EPS8L1: variants seen among roughly 807,000 people sequenced by gnomAD.
The protein encoded by EPS8L1 is epidermal growth factor receptor kinase substrate 8-like protein 1.
Under a neutral mutation model 91.7 loss-of-function variants are expected in EPS8L1, and 101 were observed. The ratio of observed to expected loss-of-function variants is 1.10; its 90% CI spans 0.94 to 1.30. The LOEUF (loss-of-function observed/expected upper bound fraction) is 1.30. EPS8L1 is among the 50% of genes most tolerant of loss of function. The pLI is 0.00. For synonymous variants in EPS8L1, 506 were observed against 445.3 expected (o/e 1.14, Z -1.72); for missense variants, 1,114 against 1,017.0 (o/e 1.10, Z -1.30).
rs1340297040 is a variant in EPS8L1, at chr19:55,086,524, T to C, written c.1777+6T>C. The C allele has an allele frequency of 6.5e-7, 1 of 1,550,168 alleles. No individual in the cohort carries two copies. The highest frequency in any genetic ancestry group is 8.7e-7 in the Non-Finnish European group (1 of 1,146,524). ...CTTGGACCCCAGCGAGAAGGGTGAG[T>C]GGTGGGGACGCCGGCTGCGGGGAGC... is the stretch of plus-strand genomic sequence containing the variant. On this transcript the variant is annotated splice_donor_region_variant and intron_variant, in intron 17 of 19. Transcript: ENST00000201647.
chr19:55,083,583 C>A lies in EPS8L1; in HGVS notation c.1357-33C>A. 6.3e-7 allele frequency: 1 copy of A among 1,593,822 alleles called. No homozygotes were observed. Among genetic ancestry groups the A allele is most frequent in the South Asian group, 1.1e-5 (1 of 88,906 alleles). ...CCGGGGGCGCGGCCGGTCCGCCTGG[C>A]CCCGCCTGACCCGACTGTCTTACTT... On this transcript the variant is annotated intron_variant, in intron 13 of 19. Coordinates refer to ENST00000201647, the MANE Select transcript of EPS8L1 (RefSeq NM_133180.3). This position sits in a 1 kb window ranked among gnomAD's most constrained non-coding sequence, Gnocchi z 4.7.
chr19:55,076,515 C>T (rs2076138421), intron 2 of EPS8L1, 54 bp downstream of exon 2: 1 of 1,593,326 alleles, frequency 6.3e-7, no homozygotes, highest in South Asian at 1.1e-5. Context: ...CGCCTCCCCT[C>T]GCCTCCTCAC....
intron 2 of EPS8L1, among the ~76,000 whole-genome samples, chr19:55,076,747 T>C (rs959861587): frequency 6.6e-6 from 1 of 152,196 alleles, no homozygotes; most frequent in African/African-American, 2.4e-5. Flanking sequence ...CAGCCCCTCC[T>C]CTGTGACACA....
chr19:55,086,482 T>A lies in EPS8L1; in HGVS notation c.1741T>A (p.Cys581Ser), dbSNP rs1402358193. 3.2e-6 allele frequency: 5 copies of A among 1,551,492 alleles called. No homozygotes were observed. The African/African-American group carries it at 5.5e-5, about 17-fold the overall frequency. The change falls in exon 17 of 20, where the codon TGC (cysteine) becomes AGC (serine). Residue 581 changes from cysteine to serine, a missense_variant. Physicochemically the swap from Cys to Ser is moderately radical, Grantham distance 112 (BLOSUM62 -1). Coordinates refer to ENST00000201647, the MANE Select transcript of EPS8L1 (RefSeq NM_133180.3). Reference protein sequence around the residue: ...PRWDRPRWDSCDSLNGLDPSE... With the variant: ...PRWDRPRWDSSDSLNGLDPSE... Reference sequence around the variant, plus strand: ...CTGGGACAGGCCCCGCTGGGACAGCTGCGATAGCCTCAACGGCTTGGACCC... The same window carrying A: ...CTGGGACAGGCCCCGCTGGGACAGCAGCGATAGCCTCAACGGCTTGGACCC...
chr19:55,080,768 G>A lies in EPS8L1; in HGVS notation c.430-4G>A, dbSNP rs1459826634. On this transcript the variant is annotated splice_region_variant and splice_polypyrimidine_tract_variant and intron_variant, in intron 6 of 19. Transcript: ENST00000201647. ...GAGGCGTGGCCTGACGGTGTGATTG[G>A]CAGGCGGAGCTGATCCGAGAGGACA... The A allele has an allele frequency of 6.2e-7, 1 of 1,607,656 alleles. No individual in the cohort carries two copies. Among genetic ancestry groups the A allele is most frequent in the Admixed American group, 1.7e-5 (1 of 58,740 alleles).
chr19:55,083,790 G>A lies in EPS8L1; in HGVS notation c.1385+146G>A. The stretch of plus-strand genomic sequence containing the variant: ...AGGTGGGTGAGATGGTGATGGGGCG[G>A]GCCGGGGCTGGGAGAGAGGGAGGAG... On this transcript the variant is annotated intron_variant, in intron 14 of 19. Transcript: ENST00000201647. The surrounding 1 kb of genome is among the most constrained non-coding windows in gnomAD (Gnocchi z 4.7). 9.6e-7 allele frequency: 1 copy of A among 1,037,528 alleles called. No homozygotes were observed. The highest frequency in any genetic ancestry group is 1.4e-6 in the Non-Finnish European group (1 of 690,606). 64.3% of individuals were successfully genotyped at this position (1,037,528 alleles called of 1,614,324 possible).
chr19:55,087,329 C>A lies in EPS8L1; in HGVS notation c.1979C>A (p.Thr660Asn). Residue 660 changes from threonine (T) to asparagine (N), a missense_variant, in exon 19 of 20, where the codon ACC (threonine) becomes AAC (asparagine). By Grantham distance (65) the Thr-to-Asn change is moderately conservative. Transcript: ENST00000201647. ...ACCGTGGACGCGCTGGGTGTGCTGA[C>A]CGGGGCGCAGCTTTTCTCGCTGCAG... ...SGTVDALGVL[T>N]GAQLFSLQKE... is the part of the protein sequence containing the mutation. 1.2e-6 allele frequency: 2 copies of A among 1,611,200 alleles called. No homozygotes were observed. The highest frequency in any genetic ancestry group is 1.7e-6 in the Non-Finnish European group (2 of 1,179,392).
intron 2 of EPS8L1, 30 bp downstream of exon 2, chr19:55,076,491 C>G (rs764639711): frequency 1.2e-6 from 2 of 1,609,280 alleles, no homozygotes; most frequent in Admixed American, 3.3e-5. Flanking sequence ...AGGTCCCAGC[C>G]CCAGCACGCC....
Position 55,087,291 on chromosome 19 carries a change from G to A in EPS8L1, c.1953-12G>A, listed in dbSNP as rs762165863. On this transcript the variant is annotated splice_polypyrimidine_tract_variant and intron_variant, in intron 18 of 19. Transcript: ENST00000201647. ...CGACCGGCCTGACCGCGCCCGGGCT[G>A]CCCTCGCTCAGGACCGTGGACGCGC... The A allele has an allele frequency of 8.8e-6, 14 of 1,594,228 alleles. No individual in the cohort carries two copies. The South Asian group carries it at 9.0e-5, about 10-fold the overall frequency.
chr19:55,086,564 C>T (rs769568092), intron 17 of EPS8L1, 46 bp downstream of exon 17: 1 of 1,542,098 alleles, frequency 6.5e-7, no homozygotes, highest in Non-Finnish European at 8.8e-7. Context: ...CTTATCCTTG[C>T]TTTCCAGGCA....
Position 55,086,889 on chromosome 19 carries a change from G to GT in EPS8L1, c.1952+2dup. The GT allele has an allele frequency of 7.0e-7, 1 of 1,429,894 alleles. No individual in the cohort carries two copies. The highest frequency in any genetic ancestry group is 2.6e-4 in the Middle Eastern group (1 of 3,894). 88.6% of individuals were successfully genotyped at this position (1,429,894 alleles called of 1,614,324 possible). On this transcript the variant is annotated splice_donor_variant, in intron 18 of 19. Coordinates refer to ENST00000201647, the MANE Select transcript of EPS8L1 (RefSeq NM_133180.3). LOFTEE classifies it high-confidence loss of function. ...TGCAGGCCAAGGGCTTTAGCTCCGG[G>GT]TGAGTGGGGCCGGGGCCCTCTCGGC... is the stretch of plus-strand genomic sequence containing the variant.
Position 55,085,711 on chromosome 19 carries a change from A to G in EPS8L1, c.1386-130A>G, listed in dbSNP as rs528447138. 14 of 1,031,392 alleles carry G rather than the reference A, an allele frequency of 1.4e-5. No homozygotes were observed. In the South Asian group the frequency reaches 2.4e-4, roughly 18 times the overall value. 63.9% of individuals were successfully genotyped at this position (1,031,392 alleles called of 1,614,324 possible). ...TCTGTTATTCTTGTTTCAAATTTCT[A>G]TTAACAGTATTAACCCGGCCCCTGC... On this transcript the variant is annotated intron_variant, in intron 14 of 19. Coordinates refer to ENST00000201647, the MANE Select transcript of EPS8L1 (RefSeq NM_133180.3).
chr19:55,086,638 C>CCCG, intron 17 of EPS8L1, 76 bp from the exon 18 acceptor site: 1 of 1,436,666 alleles, frequency 7.0e-7, no homozygotes, highest in East Asian at 2.4e-5. Flanking sequence ...CTGGAGCGCC[C>CCCG]CCCCGCCCCG....
chr19:55,082,957 A>C (rs1399835037), intron 12 of EPS8L1, among the ~76,000 whole-genome samples: 1 of 152,188 alleles, frequency 6.6e-6, no homozygotes. Context: ...GAGTCTGTGC[A>C]CTGCGGGCTG....
chr19:55,080,800 G>T lies in EPS8L1; in HGVS notation c.458G>T (p.Gly153Val), dbSNP rs371109133. The T allele has an allele frequency of 1.9e-6, 3 of 1,611,980 alleles. No homozygotes were observed. The highest frequency in any genetic ancestry group is 2.7e-5 in the African/African-American group (2 of 74,906). The change falls in exon 7 of 20, where the codon GGG becomes GTG. Residue 153 changes from glycine (G) to valine (V), a missense_variant. Physicochemically the swap from Gly to Val is moderately radical, Grantham distance 109. Transcript: ENST00000201647. ...GAGCTGATCCGAGAGGACATCCAGGGGGCTCTGCACAATTACCGCTCGGGC... is the reference window on the plus strand; with the variant it reads ...GAGCTGATCCGAGAGGACATCCAGGTGGCTCTGCACAATTACCGCTCGGGC... ...GAELIREDIQ[G>V]ALHNYRSGRG... is the part of the protein sequence containing the mutation.
At chr19:55,077,862 C>T (rs2076161317) in intron 2 of EPS8L1, among the ~76,000 whole-genome samples, 2 of 150,774 alleles carry the variant, frequency 1.3e-5, no homozygotes, top group African/African-American at 4.9e-5. Context: ...GCTGGGATTA[C>T]AGGCGTGAGC....
intron 14 of EPS8L1, chr19:55,085,614 G>A (rs957905638): frequency 7.1e-6 from 3 of 424,122 alleles, no homozygotes; most frequent in Admixed American, 4.0e-5. Context: ...AAATGGAATC[G>A]ATGGTGGGAT....
intron 19 of EPS8L1, 37 bp from the exon 20 acceptor site, chr19:55,087,491 G>T: frequency 6.2e-7 from 1 of 1,614,148 alleles, no homozygotes; most frequent in Non-Finnish European, 8.5e-7. Context: ...CGAGGGCTCG[G>T]ACGCCAGGAC....
chr19:55,081,605 G>T lies in EPS8L1; in HGVS notation c.774+113G>T. ...GGGCGTTCTCTGGTCAGACTTCTGCGTTATGGAAGAGGGGCTGGGTCGGGG... is the reference window on the plus strand; with the variant it reads ...GGGCGTTCTCTGGTCAGACTTCTGCTTTATGGAAGAGGGGCTGGGTCGGGG... On this transcript the variant is annotated intron_variant, in intron 8 of 19. Coordinates refer to ENST00000201647, the MANE Select transcript of EPS8L1 (RefSeq NM_133180.3). This position sits in a 1 kb window ranked among gnomAD's most constrained non-coding sequence, Gnocchi z 4.9. 2.9e-6 allele frequency: 3 copies of T among 1,045,540 alleles called. No individual in the cohort carries two copies. The highest frequency in any genetic ancestry group is 2.6e-6 in the Non-Finnish European group (2 of 769,552). The allele number at this position is 1,045,540 out of a possible 1,614,324, so 64.8% of individuals were successfully genotyped here.
Sources: allele counts gnomAD v4.1 joint callset (sites outside exome capture counted in the v4.1 genomes callset), GRCh38; gene constraint gnomAD v4.1.1; non-coding constraint Gnocchi (gnomAD v3.1); transcripts MANE v1.5; gene names NCBI Gene and HGNC (gene_info 2026-07-23, HGNC 2026-07-21).